COG4: variants seen among roughly 807,000 people sequenced by gnomAD.
COG4 encodes conserved oligomeric Golgi complex subunit 4.
A neutral mutation model predicts 95.1 loss-of-function variants in COG4; 65 were observed. The observed-to-expected ratio is 0.68, with a 90% CI of 0.56 to 0.84. The LOEUF (loss-of-function observed/expected upper bound fraction) is 0.84. Ranked by LOEUF, COG4 falls within the 40% of genes least tolerant of loss-of-function variation. COG4 has a pLI of 0.00. For missense variants in COG4, 1,045 were observed against 989.1 expected, an observed-to-expected ratio of 1.06 and a Z score of -0.76; for synonymous variants, 421 against 374.8, an observed-to-expected ratio of 1.12 and a Z score of -1.42.
intron 14 of COG4, 41 bp from the exon 15 acceptor site, chr16:70,482,862 C>G: frequency 1.4e-6 from 2 of 1,462,830 alleles, no homozygotes; most frequent in Non-Finnish European, 9.6e-7. Flanking sequence ...ACAGAAGGCA[C>G]GACTCATCCC....
chr16:70,481,788 C>A lies in COG4; in HGVS notation c.2082G>T (p.Val694=), dbSNP rs551240981. Residue 694 remains valine, a synonymous_variant, in exon 17 of 19, where the codon GTG becomes GTT. Transcript: ENST00000323786. ...CCCGGTTAAAGGTGGATTTCAGCACCACTTTCTCCAACTCGACGGCAACAA... is the reference window on the plus strand; with the variant it reads ...CCCGGTTAAAGGTGGATTTCAGCACAACTTTCTCCAACTCGACGGCAACAA... ...TSLVAVELEK[V]VLKSTFNRLG... is the part of the protein sequence containing the mutation. 2.5e-6 allele frequency: 4 copies of A among 1,614,020 alleles called. No individual in the cohort carries two copies. Among genetic ancestry groups the A allele is most frequent in the Non-Finnish European group, 2.5e-6 (3 of 1,179,988 alleles).
chr16:70,482,844 C>T, intron 14 of COG4, 23 bp from the exon 15 acceptor site: 1 of 1,592,984 alleles, frequency 6.3e-7, no homozygotes, highest in African/African-American at 1.3e-5. Flanking sequence ...AAGGTGGAGA[C>T]ATGTGACACA....
At chr16:70,487,162 G>A (rs1271634510) in intron 13 of COG4, among the ~76,000 whole-genome samples, 2 of 150,938 alleles carry the variant, frequency 1.3e-5, no homozygotes, top group Non-Finnish European at 2.9e-5. Flanking sequence ...ATGGTGTCAG[G>A]TGCCTGTAAT....
chr16:70,505,482 G>A (rs111901317), intron 8 of COG4, among the ~76,000 whole-genome samples: 6,292 of 150,604 alleles, frequency 0.042, 448 homozygotes, highest in African/African-American at 0.14. Flanking sequence ...GATTACAGGC[G>A]TGAGCCACCG....
At chr16:70,494,688 T>A (rs1567728008) in intron 12 of COG4, among the ~76,000 whole-genome samples, 1 of 152,180 alleles carries the variant, frequency 6.6e-6, no homozygotes, top group Non-Finnish European at 1.5e-5. Context: ...TTTGATGTGG[T>A]AGGCAGCAAG....
chr16:70,508,327 G>A (rs1166581046), intron 8 of COG4, 79 bp downstream of exon 8: 71 of 1,184,512 alleles, frequency 6.0e-5, no homozygotes, highest in Admixed American at 3.4e-5. Flanking sequence ...AGACCACATT[G>A]TAACAGAGTA....
chr16:70,490,926 T>G (rs2049231395), intron 12 of COG4, among the ~76,000 whole-genome samples: 1 of 152,032 alleles, frequency 6.6e-6, no homozygotes, highest in Non-Finnish European at 1.5e-5. Context: ...CCCAAAGTGC[T>G]GGGATTACAG....
At chr16:70,521,073 C>T (rs1454993270) in intron 1 of COG4, among the ~76,000 whole-genome samples, 3 of 152,216 alleles carry the variant, frequency 2.0e-5, no homozygotes, top group Middle Eastern at 6.8e-3. Context: ...TTTGTAGCCA[C>T]GAGGTCTCAC....
At chr16:70,488,690 G>C (rs768029216) in intron 13 of COG4, among the ~76,000 whole-genome samples, 89 of 152,100 alleles carry the variant, frequency 5.9e-4, no homozygotes, top group Non-Finnish European at 9.9e-4. Context: ...TGGGATTATG[G>C]GCACATGCCA....
At chr16:70,515,837 T>C (rs2049810523) in intron 3 of COG4, 1 of 331,450 alleles carries the variant, frequency 3.0e-6, no homozygotes, top group Non-Finnish European at 5.9e-6. Flanking sequence ...GGGTTGTTTT[T>C]TTAAAAAATT....
intron 1 of COG4, 142 bp downstream of exon 1, chr16:70,523,231 T>TA: frequency 9.9e-7 from 1 of 1,006,970 alleles, no homozygotes; most frequent in Non-Finnish European, 1.5e-6. Flanking sequence ...ACTACTCATA[T>TA]ACCCGACTAG....
At chr16:70,490,305 C>T (rs775598676) in intron 13 of COG4, 25 bp downstream of exon 13, 2 of 1,593,806 alleles carry the variant, frequency 1.3e-6, no homozygotes, top group South Asian at 1.1e-5. Context: ...GGCTGCTGAC[C>T]ACTGATAGGC....
intron 9 of COG4, among the ~76,000 whole-genome samples, chr16:70,500,283 A>G (rs1303639414): frequency 6.6e-6 from 1 of 151,572 alleles, no homozygotes; most frequent in African/African-American, 2.4e-5. Context: ...TTTCTTATCA[A>G]TGTCAATTAT....
chr16:70,501,910 G>A (rs907475204), intron 8 of COG4, among the ~76,000 whole-genome samples: 1 of 151,470 alleles, frequency 6.6e-6, no homozygotes, highest in Non-Finnish European at 1.5e-5. Context: ...GGCCTCAAGT[G>A]ATCCTCCTGC....
intron 18 of COG4, 28 bp downstream of exon 18, chr16:70,481,331 C>A (rs372534500): frequency 6.2e-7 from 1 of 1,611,126 alleles, no homozygotes; most frequent in Non-Finnish European, 8.5e-7. Context: ...TCACCCCTCC[C>A]TGGCTGGGCC....
intron 8 of COG4, among the ~76,000 whole-genome samples, chr16:70,502,825 G>T (rs2049482148): frequency 1.3e-5 from 2 of 152,106 alleles, no homozygotes; most frequent in South Asian, 2.1e-4. Context: ...TGTGGTACTG[G>T]CATATGAATA....
At chr16:70,509,172 T>C in intron 7 of COG4, 59 bp downstream of exon 7, 3 of 1,599,264 alleles carry the variant, frequency 1.9e-6, no homozygotes, top group Middle Eastern at 1.7e-4. Context: ...CAATTTATTC[T>C]ACTCAGTGTT....
At chr16:70,490,555 C>T (rs907229418) in intron 12 of COG4, among the ~76,000 whole-genome samples, 163 bp from the exon 13 acceptor site, 5 of 152,314 alleles carry the variant, frequency 3.3e-5, no homozygotes, top group East Asian at 3.8e-4. Flanking sequence ...CTGAGCAGGA[C>T]GCTCAGATCT....
chr16:70,501,485 G>T (rs539747886), intron 8 of COG4: 15 of 242,762 alleles, frequency 6.2e-5, no homozygotes, highest in African/African-American at 3.2e-4. Flanking sequence ...CTCCTGAGTA[G>T]CTGGGACTAC....
Sources: allele counts gnomAD v4.1 joint callset (sites outside exome capture counted in the v4.1 genomes callset), GRCh38; gene constraint gnomAD v4.1.1; transcripts MANE v1.5; gene names NCBI Gene and HGNC (gene_info 2026-07-23, HGNC 2026-07-21).